Variants in CCT6B observed in about 807,000 individuals in gnomAD.
CCT6B encodes chaperonin containing TCP1 subunit 6B.
A neutral mutation model predicts 61.5 loss-of-function variants in CCT6B; 49 were observed. The observed-to-expected ratio is 0.80, with a 90% CI of 0.63 to 1.01. The LOEUF (loss-of-function observed/expected upper bound fraction) is 1.01, where lower values mean the gene tolerates loss of function less well. CCT6B is among the 50% of genes least tolerant of loss of function. The pLI, the probability that CCT6B is intolerant of heterozygous loss-of-function variation, is 0.00. For synonymous variants in CCT6B, 228 were observed against 214.5 expected, an observed-to-expected ratio of 1.06 and a Z score of -0.55; for missense variants, 666 against 634.7, an observed-to-expected ratio of 1.05 and a Z score of -0.53.
intron 10 of CCT6B, among the ~76,000 whole-genome samples, chr17:34,937,241 AT>A (rs1467602478): frequency 1.1e-4 from 16 of 152,206 alleles, no homozygotes; most frequent in Admixed American, 8.5e-4. Flanking sequence ...TATGGAAGTC[AT>A]ATGGAAATGC....
At chr17:34,944,448 A>C (rs1450175500) in intron 5 of CCT6B, 1 of 152,164 alleles carries the variant, frequency 6.6e-6, no homozygotes, top group Non-Finnish European at 1.5e-5. Context: ...AATTCCTATC[A>C]TTAATACAAA....
intron 5 of CCT6B, among the ~76,000 whole-genome samples, chr17:34,947,909 G>A (rs929134072): frequency 2.0e-5 from 3 of 151,304 alleles, no homozygotes; most frequent in Admixed American, 6.6e-5. Flanking sequence ...CCTGGCAAGC[G>A]GAAGTTGCAG....
At chr17:34,934,285 A>T (rs2090070629) in intron 10 of CCT6B, among the ~76,000 whole-genome samples, 1 of 152,192 alleles carries the variant, frequency 6.6e-6, no homozygotes, top group South Asian at 2.1e-4. Flanking sequence ...TACAGATATT[A>T]AAAAGAATAA....
At chr17:34,934,616 AC>A (rs1335339762) in intron 10 of CCT6B, among the ~76,000 whole-genome samples, 6 of 152,242 alleles carry the variant, frequency 3.9e-5, no homozygotes, top group Non-Finnish European at 8.8e-5. Flanking sequence ...CTCAAAAAAA[AC>A]AAAACCTTTA....
intron 5 of CCT6B, among the ~76,000 whole-genome samples, chr17:34,944,776 A>T (rs1183182712): frequency 6.6e-6 from 1 of 152,168 alleles, no homozygotes; most frequent in East Asian, 1.9e-4. Context: ...AATACAAAAA[A>T]TTAGTCGGGC....
chr17:34,938,453 A>G (rs1294555511), intron 10 of CCT6B, among the ~76,000 whole-genome samples: 1 of 152,020 alleles, frequency 6.6e-6, no homozygotes, highest in Non-Finnish European at 1.5e-5. Context: ...CCTATCGTCC[A>G]GCTGAGGTGG....
chr17:34,946,014 G>A (rs2090219819), intron 5 of CCT6B, among the ~76,000 whole-genome samples: 1 of 152,200 alleles, frequency 6.6e-6, no homozygotes, highest in African/African-American at 2.4e-5. Flanking sequence ...CATCCAAGGT[G>A]GAGTGTTTAC....
chr17:34,929,675 G>A (rs1044972550), intron 12 of CCT6B, among the ~76,000 whole-genome samples: 11 of 151,516 alleles, frequency 7.3e-5, no homozygotes, highest in East Asian at 1.9e-4. Context: ...CACCATCCCC[G>A]GCTAATTTTT....
intron 5 of CCT6B, among the ~76,000 whole-genome samples, chr17:34,948,095 T>C (rs1260488236): frequency 1.3e-5 from 2 of 152,152 alleles, no homozygotes; most frequent in East Asian, 1.9e-4. Flanking sequence ...GGTGTTTGGT[T>C]ACATGACTAA....
In CCT6B at chr17:34,932,492, C is replaced by T; in HGVS notation, c.1222G>A (p.Val408Ile). 6.2e-7 allele frequency: 1 copy of T among 1,607,972 alleles called. No individual in the cohort carries two copies. The highest frequency in any genetic ancestry group is 8.5e-7 in the Non-Finnish European group (1 of 1,177,772). Residue 408 changes from valine to isoleucine, a missense_variant, in exon 11 of 14, where the codon GTT becomes ATT. Val to Ile is a conservative substitution (Grantham distance 29, BLOSUM62 3). Coordinates refer to ENST00000314144, the MANE Select transcript of CCT6B (RefSeq NM_006584.4). ...ACTTCAATTGCACCAGCTCCAGGAA[C>T]CATACAACCTATTGGAGAGAAAAAA... The part of the protein sequence containing the change: ...IKNAIEDGCM[V>I]PGAGAIEVAM...
At chr17:34,930,286 T>C (rs1017083969) in intron 12 of CCT6B, among the ~76,000 whole-genome samples, 3 of 152,024 alleles carry the variant, frequency 2.0e-5, no homozygotes, top group Non-Finnish European at 4.4e-5. Context: ...ATTAATTAAT[T>C]AGGCCATGTC....
intron 1 of CCT6B, among the ~76,000 whole-genome samples, chr17:34,961,026 A>G (rs2142191493): frequency 6.6e-6 from 1 of 152,364 alleles, no homozygotes; most frequent in South Asian, 2.1e-4. Flanking sequence ...AACCTTGACG[A>G]CAAGTCGGGG....
chr17:34,939,460 G>A, intron 9 of CCT6B, 130 bp from the exon 10 acceptor site: 1 of 855,344 alleles, frequency 1.2e-6, no homozygotes, highest in Non-Finnish European at 1.8e-6. Context: ...AGTTATATCT[G>A]AACTCTTAAC....
At chr17:34,954,702 T>C in intron 3 of CCT6B, 103 bp from the exon 4 acceptor site, 1 of 833,182 alleles carries the variant, frequency 1.2e-6, no homozygotes, top group Non-Finnish European at 1.8e-6. Flanking sequence ...CTCACATTAA[T>C]GCCATGAAAT....
At chr17:34,958,765 A>G in intron 2 of CCT6B, 71 bp from the exon 3 acceptor site, 1 of 1,205,524 alleles carries the variant, frequency 8.3e-7, no homozygotes. Context: ...AAGCAAGATA[A>G]CCTAGGGGTC....
At position 34,961,394 on chromosome 17, in the gene CCT6B, A is replaced by C. The variant is rs770988991; in HGVS notation, c.-1T>G. 172 of 1,596,334 alleles carry C rather than the reference A, an allele frequency of 1.1e-4. No individual in the cohort carries two copies. The highest frequency in any genetic ancestry group is 1.4e-4 in the Non-Finnish European group (168 of 1,174,978). ...AGTTGACGGCCTTTATCGCAGCCAT[A>C]GCCTAACCGTTCAGAGGGAGAAAAA... On this transcript the variant is annotated 5_prime_UTR_variant, in exon 1 of 14. Coordinates refer to ENST00000314144, the MANE Select transcript of CCT6B (RefSeq NM_006584.4).
rs1257247329 is a variant in CCT6B, at chr17:34,954,422, A to G, written c.510+4T>C. The G allele has an allele frequency of 2.5e-6, 4 of 1,595,484 alleles. No homozygotes were observed. Among genetic ancestry groups the G allele is most frequent in the Non-Finnish European group, 2.6e-6 (3 of 1,173,396 alleles). Reference sequence around the variant, plus strand: ...GTTCTGAATGCAAAAGTTTAATAACATACCTCTGTTAAGACATCAGCCAGT... The same window carrying G: ...GTTCTGAATGCAAAAGTTTAATAACGTACCTCTGTTAAGACATCAGCCAGT... On this transcript the variant is annotated splice_donor_region_variant and intron_variant, in intron 4 of 13. Coordinates refer to ENST00000314144, the MANE Select transcript of CCT6B (RefSeq NM_006584.4).
chr17:34,955,099 G>C (rs1288075124), intron 3 of CCT6B, among the ~76,000 whole-genome samples: 1 of 152,140 alleles, frequency 6.6e-6, no homozygotes, highest in African/African-American at 2.4e-5. Context: ...AAGTTTAATT[G>C]AGGAAATAGG....
chr17:34,942,900 G>T lies in CCT6B; in HGVS notation c.621C>A (p.Ile207=). Residue 207 remains isoleucine (I), a synonymous_variant, in exon 6 of 14, where the codon ATC becomes ATA. Transcript: ENST00000314144. ...KHKLGTDTKL[I]QGLVLDHGAR... The stretch of plus-strand genomic sequence containing the variant: ...CACCATGATCCAAAACTAATCCTTG[G>T]ATCAACCTATTAAAAATATTAATGT... 1 of 1,571,372 alleles carries T rather than the reference G, an allele frequency of 6.4e-7. No homozygotes were observed. The highest frequency in any genetic ancestry group is 8.7e-7 in the Non-Finnish European group (1 of 1,150,984).
Sources: allele counts gnomAD v4.1 joint callset (sites outside exome capture counted in the v4.1 genomes callset), GRCh38; gene constraint gnomAD v4.1.1; transcripts MANE v1.5; gene names NCBI Gene and HGNC (gene_info 2026-07-23, HGNC 2026-07-21).